ADAM22: variants seen among roughly 807,000 people sequenced by gnomAD.
The protein encoded by ADAM22 is disintegrin and metalloproteinase domain-containing protein 22.
A neutral mutation model predicts 144.6 loss-of-function variants in ADAM22; 65 were observed. The observed-to-expected ratio is 0.45, with a 90% confidence interval of 0.37 to 0.55. The LOEUF is 0.55. ADAM22 is among the 20% of genes least tolerant of loss of function. The pLI, the probability that ADAM22 is intolerant of heterozygous loss-of-function variation, is 0.00. For missense variants in ADAM22, 974 were observed against 1,184.9 expected (o/e 0.82, Z 2.61); for synonymous variants, 391 against 412.6 (o/e 0.95, Z 0.63).
intron 2 of ADAM22, among the ~76,000 whole-genome samples, chr7:87,969,549 G>C (rs559496567): frequency 2.0e-5 from 3 of 152,182 alleles, no homozygotes; most frequent in African/African-American, 7.2e-5. Flanking sequence ...TAAAAGTGTC[G>C]AATGGACTAT....
intron 31 of ADAM22, among the ~76,000 whole-genome samples, chr7:88,196,216 G>A (rs930230279): frequency 2.0e-5 from 3 of 152,144 alleles, no homozygotes; most frequent in African/African-American, 7.2e-5. Flanking sequence ...AAAATGTTTA[G>A]TAACATTAAA....
chr7:88,200,473 C>G lies in ADAM22; in HGVS notation c.*3982C>G, dbSNP rs1454889043. ...GATAGGACACATCTGGCTGCTGCCA[C>G]TGGATGCCCACATGGGCAGCGTGTT... is the stretch of plus-strand genomic sequence containing the variant. On this transcript the variant is annotated 3_prime_UTR_variant, in exon 32 of 32. Coordinates refer to ENST00000413139, the MANE Select transcript of ADAM22 (RefSeq NM_001324418.2). The G allele has an allele frequency of 6.6e-6, 1 of 152,244 alleles. No homozygotes were observed. Among genetic ancestry groups the G allele is most frequent in the African/African-American group, 2.4e-5 (1 of 41,462 alleles). 9.4% of individuals were successfully genotyped at this position (152,244 alleles called of 1,614,324 possible).
At chr7:87,986,335 C>T (rs1247930893) in intron 3 of ADAM22, among the ~76,000 whole-genome samples, 2 of 152,126 alleles carry the variant, frequency 1.3e-5, no homozygotes, top group Admixed American at 6.5e-5. Context: ...CCAGGGTGGC[C>T]TTGTTGTTAG....
intron 6 of ADAM22, among the ~76,000 whole-genome samples, chr7:88,115,268 T>C (rs1827474276): frequency 6.6e-6 from 1 of 152,168 alleles, no homozygotes; most frequent in Non-Finnish European, 1.5e-5. Context: ...TTCTCTTTTA[T>C]ATTGGAAATA....
Position 87,954,676 on chromosome 7 carries a change from C to T in ADAM22, c.246+19490C>T, listed in dbSNP as rs944916259. On this transcript the variant is annotated intron_variant, in intron 2 of 31. Transcript: ENST00000413139. The stretch of plus-strand genomic sequence containing the variant: ...GTGGCATTCTCTGTATTTCCTGAAT[C>T]TGAATGTTGGCCTGCCTTGCTAGAT... Among the ~76,000 whole-genome samples the T allele has an allele frequency of 5.6e-4, 84 of 150,626 alleles. 1 individual carries two copies. Among genetic ancestry groups the T allele is most frequent in the Non-Finnish European group, 7.7e-4 (52 of 67,492 alleles).
Position 88,061,839 on chromosome 7 carries a change from C to CTT in ADAM22, c.324-13767_324-13766dup, listed in dbSNP as rs60313970. On this transcript the variant is annotated intron_variant, in intron 3 of 31. Coordinates refer to ENST00000413139, the MANE Select transcript of ADAM22 (RefSeq NM_001324418.2). ...CTTCTCTTTCTTTCTCTCTCTCTCT[C>CTT]TTTTTTTTTTTTTTTTTTTTTGAGG... Among the ~76,000 whole-genome samples, 280 of 111,922 alleles carry CTT rather than the reference C, an allele frequency of 2.5e-3. 1 individual carries two copies. Among genetic ancestry groups the CTT allele is most frequent in the East Asian group, 0.02 (69 of 3,438 alleles). 73.4% of individuals were successfully genotyped at this position (111,922 alleles called of 152,430 possible).
At position 88,200,888 on chromosome 7, in the gene ADAM22, TATA is replaced by T. The variant is rs2115601647; in HGVS notation, c.*4400_*4402del. 6.6e-6 allele frequency: 1 copy of T among 152,366 alleles called. No homozygotes were observed. The highest frequency in any genetic ancestry group is 1.5e-5 in the Non-Finnish European group (1 of 68,074). 9.4% of individuals were successfully genotyped at this position (152,366 alleles called of 1,614,324 possible). ...AAACAGTTTCCCATTGATAGTATAA[TATA>T]ATGAGGGGCCCAGTCTGCTCTTGTG... On this transcript the variant is annotated 3_prime_UTR_variant, in exon 32 of 32. Coordinates refer to ENST00000413139, the MANE Select transcript of ADAM22 (RefSeq NM_001324418.2).
intron 3 of ADAM22, among the ~76,000 whole-genome samples, chr7:88,069,972 G>A (rs573842828): frequency 6.6e-6 from 1 of 152,186 alleles, no homozygotes; most frequent in East Asian, 1.9e-4. Context: ...TGGTTCTTGG[G>A]TTCATCCTCT....
At position 88,091,516 on chromosome 7, in the gene ADAM22, G is replaced by A. The variant is rs1432245307; in HGVS notation, c.390+15824G>A. 2.0e-5 allele frequency among the ~76,000 whole-genome samples: 3 copies of A among 152,192 alleles called. 1 individual carries two copies. Among genetic ancestry groups the A allele is most frequent in the Admixed American group, 2.0e-4 (3 of 15,274 alleles). Reference sequence around the variant, plus strand: ...AGGATTAATAAAAGTACTGGTAGCAGTTGGAGTAATAGCAAATACTTGTAT... The same window carrying A: ...AGGATTAATAAAAGTACTGGTAGCAATTGGAGTAATAGCAAATACTTGTAT... On this transcript the variant is annotated intron_variant, in intron 4 of 31. Coordinates refer to ENST00000413139, the MANE Select transcript of ADAM22 (RefSeq NM_001324418.2).
chr7:87,950,835 C>A (rs1256954672), intron 2 of ADAM22, among the ~76,000 whole-genome samples: 1 of 149,524 alleles, frequency 6.7e-6, no homozygotes, highest in Admixed American at 6.7e-5. Context: ...GCCATTCTAA[C>A]TGGTGTGAGA....
intron 22 of ADAM22, among the ~76,000 whole-genome samples, chr7:88,157,059 T>A (rs1448085438): frequency 6.6e-6 from 1 of 151,128 alleles, no homozygotes; most frequent in Non-Finnish European, 1.5e-5. Flanking sequence ...AAAGAAAAAA[T>A]TTAGTAGTTG....
At chr7:88,176,650 T>C (rs1845746053) in intron 26 of ADAM22, among the ~76,000 whole-genome samples, 1 of 152,232 alleles carries the variant, frequency 6.6e-6, no homozygotes, top group Non-Finnish European at 1.5e-5. Context: ...CCTTACTTAA[T>C]GTTTAAATTT....
intron 7 of ADAM22, among the ~76,000 whole-genome samples, chr7:88,121,122 TCA>T (rs1829183818): frequency 6.6e-6 from 1 of 152,194 alleles, no homozygotes; most frequent in Admixed American, 6.5e-5. Context: ...GCTACCCTTA[TCA>T]CACTTTGTTT....
chr7:87,934,779 A>C (rs951015345), intron 1 of ADAM22: 2 of 660,468 alleles, frequency 3.0e-6, no homozygotes, highest in Non-Finnish European at 5.1e-6. Flanking sequence ...CTCCTTCTGA[A>C]GAGGAATGGG....
At chr7:88,155,030 T>C (rs1000589364) in intron 21 of ADAM22, among the ~76,000 whole-genome samples, 2 of 152,108 alleles carry the variant, frequency 1.3e-5, no homozygotes, top group African/African-American at 2.4e-5. Context: ...GTAAAGATAT[T>C]TTATAAGTTA....
At chr7:88,072,274 G>C (rs914111237) in intron 3 of ADAM22, among the ~76,000 whole-genome samples, 1 of 152,178 alleles carries the variant, frequency 6.6e-6, no homozygotes, top group Non-Finnish European at 1.5e-5. Context: ...TTTCTTTGCT[G>C]TAATTACATT....
intron 20 of ADAM22, among the ~76,000 whole-genome samples, chr7:88,151,928 A>C (rs909127057): frequency 2.0e-5 from 3 of 152,186 alleles, no homozygotes; most frequent in Non-Finnish European, 2.9e-5. Flanking sequence ...TGTTTATTTA[A>C]ATGTTGAGTA....
At chr7:88,144,462 C>A (rs566624252) in intron 15 of ADAM22, among the ~76,000 whole-genome samples, 2 of 152,032 alleles carry the variant, frequency 1.3e-5, no homozygotes, top group African/African-American at 4.8e-5. Flanking sequence ...AATTTTAGTT[C>A]GCTGCAAAAC....
intron 3 of ADAM22, among the ~76,000 whole-genome samples, chr7:88,061,643 G>A (rs1487659839): frequency 6.6e-6 from 1 of 152,056 alleles, no homozygotes. Context: ...AAAATATTCA[G>A]TAAACCACAT....
Sources: gnomAD v4.1 joint callset for allele counts (sites outside exome capture counted in the v4.1 genomes callset) on GRCh38, gnomAD v4.1.1 for gene constraint, MANE v1.5 for transcripts, NCBI Gene and HGNC (gene_info 2026-07-23, HGNC 2026-07-21) for gene names.